Variants in IGF2BP2 observed in about 807,000 individuals in gnomAD.
IGF2BP2 encodes insulin-like growth factor 2 mRNA-binding protein 2.
IGF2BP2 carries 17 observed loss-of-function variants against 75.8 expected under a neutral mutation model. That is an observed-to-expected ratio of 0.22 (90% CI 0.15 to 0.34). The LOEUF (loss-of-function observed/expected upper bound fraction) is 0.34, where lower values mean the gene tolerates loss of function less well. Among genes scored for constraint, IGF2BP2 ranks in the 10% least tolerant of loss-of-function variants. The probability of loss-of-function intolerance (pLI) is 1.00; values close to 1 mark genes in which losing one functional copy is unlikely to be tolerated. For missense variants in IGF2BP2, 516 were observed against 772.4 expected, an observed-to-expected ratio of 0.67 and a Z score of 3.93; for synonymous variants, 288 against 295.6, an observed-to-expected ratio of 0.97 and a Z score of 0.26.
At chr3:185,762,615 G>A (rs1264444612) in intron 2 of IGF2BP2, among the ~76,000 whole-genome samples, 1 of 151,724 alleles carries the variant, frequency 6.6e-6, no homozygotes, top group Admixed American at 6.6e-5. Context: ...TGTTTTGATA[G>A]TATTTGAATA....
chr3:185,761,074 TATC>T (rs1364994951), intron 2 of IGF2BP2, among the ~76,000 whole-genome samples: 1 of 152,208 alleles, frequency 6.6e-6, no homozygotes, highest in African/African-American at 2.4e-5. Flanking sequence ...GGTACTATCT[TATC>T]ATGTCTTAAA....
At chr3:185,716,430 T>G (rs966347935) in intron 2 of IGF2BP2, 1 of 508,348 alleles carries the variant, frequency 2.0e-6, no homozygotes, top group Non-Finnish European at 3.9e-6. Flanking sequence ...CCTCCCTCTT[T>G]CCATATTCAG....
chr3:185,769,847 A>G (rs558523481), intron 2 of IGF2BP2, among the ~76,000 whole-genome samples: 14 of 151,784 alleles, frequency 9.2e-5, no homozygotes, highest in African/African-American at 2.9e-4. Context: ...AAAAAAAAAA[A>G]AAAAAAGAAA....
chr3:185,661,412 G>A (rs560943487), intron 10 of IGF2BP2, among the ~76,000 whole-genome samples: 4 of 152,046 alleles, frequency 2.6e-5, no homozygotes, highest in South Asian at 2.1e-4. Context: ...TGAGGCAGGC[G>A]GATTATTTGA....
At chr3:185,746,599 A>C (rs1285907260) in intron 2 of IGF2BP2, among the ~76,000 whole-genome samples, 2 of 152,206 alleles carry the variant, frequency 1.3e-5, no homozygotes, top group African/African-American at 2.4e-5. Flanking sequence ...AACAGGTAGG[A>C]GACACCATTT....
intron 4 of IGF2BP2, among the ~76,000 whole-genome samples, chr3:185,694,150 G>A (rs1163454173): frequency 1.3e-5 from 2 of 152,166 alleles, no homozygotes; most frequent in South Asian, 2.1e-4. Flanking sequence ...GCCTTGGCCT[G>A]GAGTGTTCAT....
At chr3:185,823,274 G>C (rs528436356) in intron 1 of IGF2BP2, 61 bp from the exon 2 acceptor site, 348 of 1,338,642 alleles carry the variant, frequency 2.6e-4, no homozygotes, top group East Asian at 2.4e-3. Flanking sequence ...GGGGGTCTAG[G>C]GGGGGCACGC....
chr3:185,663,740 C>A (rs1396255002), intron 10 of IGF2BP2, among the ~76,000 whole-genome samples: 1 of 152,082 alleles, frequency 6.6e-6, no homozygotes. Context: ...TTTATTTCCA[C>A]CCTGATCTTT....
At chr3:185,798,795 CT>C (rs1191572296) in intron 2 of IGF2BP2, among the ~76,000 whole-genome samples, 73 of 68,808 alleles carry the variant, frequency 1.1e-3, no homozygotes, top group South Asian at 1.5e-3. Context: ...TTCTTTTTTT[CT>C]TTTTTTTTTT....
At chr3:185,677,036 TATATGGAG>T (rs1230298899) in intron 7 of IGF2BP2, among the ~76,000 whole-genome samples, 6 of 72,572 alleles carry the variant, frequency 8.3e-5, no homozygotes, top group East Asian at 9.7e-4. Context: ...GATATATATA[TATATGGAG>T]ATATATATAT....
intron 15 of IGF2BP2, among the ~76,000 whole-genome samples, chr3:185,646,157 A>T (rs1195812758): frequency 6.6e-6 from 1 of 152,206 alleles, no homozygotes; most frequent in African/African-American, 2.4e-5. Flanking sequence ...CAGGCTGTTC[A>T]GACACATTCC....
At chr3:185,722,633 A>G (rs530631779) in intron 2 of IGF2BP2, 12 of 183,794 alleles carry the variant, frequency 6.5e-5, no homozygotes, top group South Asian at 4.9e-4. Context: ...AGAAAAATCA[A>G]TCTGGTGGAG....
At chr3:185,797,836 G>C (rs1355325493) in intron 2 of IGF2BP2, among the ~76,000 whole-genome samples, 1 of 149,778 alleles carries the variant, frequency 6.7e-6, no homozygotes, top group Non-Finnish European at 1.5e-5. Context: ...GCCTGGCGAG[G>C]TCAAGGCTCC....
intron 2 of IGF2BP2, among the ~76,000 whole-genome samples, chr3:185,754,209 A>G (rs2149653517): frequency 6.6e-6 from 1 of 152,122 alleles, no homozygotes; most frequent in East Asian, 1.9e-4. Flanking sequence ...ACCCTGTCTC[A>G]AAAAATAAAT....
At position 185,809,865 on chromosome 3, in the gene IGF2BP2, T is replaced by A. The variant is rs143910511; in HGVS notation, c.239+13288A>T. Among the ~76,000 whole-genome samples, 922 of 152,280 alleles carry A rather than the reference T, an allele frequency of 6.1e-3. 11 individuals carry two copies. Among genetic ancestry groups the A allele is most frequent in the African/African-American group, 0.021 (884 of 41,560 alleles). ...TTTCATGAACAGCCATTTCCACTAT[T>A]CAAGGCACTCAAGGTGCACCTGTCC... is the stretch of plus-strand genomic sequence containing the variant. On this transcript the variant is annotated intron_variant, in intron 2 of 15. Coordinates refer to ENST00000382199, the MANE Select transcript of IGF2BP2 (RefSeq NM_006548.6).
intron 2 of IGF2BP2, among the ~76,000 whole-genome samples, chr3:185,818,135 T>C (rs1173551499): frequency 2.0e-5 from 3 of 152,216 alleles, no homozygotes; most frequent in South Asian, 4.1e-4. Context: ...CTGAGAGCAC[T>C]TGTGTTATGC....
chr3:185,816,712 T>C (rs1429424127), intron 2 of IGF2BP2, among the ~76,000 whole-genome samples: 1 of 152,214 alleles, frequency 6.6e-6, no homozygotes, highest in African/African-American at 2.4e-5. Context: ...TGTCCTATTT[T>C]TCACAAAATT....
rs1201774900 is a variant in IGF2BP2, at chr3:185,665,332, GAGGAGGAGGAGA to G, written c.1201-6935_1201-6924del. Among the ~76,000 whole-genome samples the G allele has an allele frequency of 4.5e-3, 603 of 133,932 alleles. 2 individuals are homozygous for G. Among genetic ancestry groups the G allele is most frequent in the East Asian group, 6.6e-3 (27 of 4,086 alleles). The allele number at this position is 133,932 out of a possible 152,430, so 87.9% of individuals were successfully genotyped here. On this transcript the variant is annotated intron_variant, in intron 10 of 15. Coordinates refer to ENST00000382199, the MANE Select transcript of IGF2BP2 (RefSeq NM_006548.6). Reference sequence around the variant, plus strand: ...GGAGCAGAAGGAGAAGGAGGAGGAGGAGGAGGAGGAGAAGGAGGAGGAGGAGAAGGAGGAGGA... The same window carrying G: ...GGAGCAGAAGGAGAAGGAGGAGGAGGAGGAGGAGGAGGAGAAGGAGGAGGA...
At chr3:185,756,982 A>G (rs772297881) in intron 2 of IGF2BP2, among the ~76,000 whole-genome samples, 2 of 152,198 alleles carry the variant, frequency 1.3e-5, no homozygotes, top group Non-Finnish European at 1.5e-5. Context: ...ATAAATAAAT[A>G]AAAGAAACTC....
Sources: gnomAD v4.1 joint callset for allele counts (sites outside exome capture counted in the v4.1 genomes callset) on GRCh38, gnomAD v4.1.1 for gene constraint, MANE v1.5 for transcripts, NCBI Gene and HGNC (gene_info 2026-07-23, HGNC 2026-07-21) for gene names.